The following EPS8 variants were observed in gnomAD, a reference collection of about 807,000 sequenced individuals.
The protein encoded by EPS8 is epidermal growth factor receptor kinase substrate 8.
EPS8 carries 42 observed loss-of-function variants against 103.8 expected under a neutral mutation model. The ratio of observed to expected loss-of-function variants is 0.40; its 90% CI spans 0.32 to 0.52. The LOEUF is 0.52. Ranked by LOEUF, EPS8 falls within the 20% of genes least tolerant of loss-of-function variation. The probability of loss-of-function intolerance (pLI) is 0.40; values close to 1 mark genes in which losing one functional copy is unlikely to be tolerated. For synonymous variants in EPS8, 344 were observed against 344.6 expected, an observed-to-expected ratio of 1.00 and a Z score of 0.02; for missense variants, 969 against 1,005.1, an observed-to-expected ratio of 0.96 and a Z score of 0.49.
In EPS8 at chr12:15,621,029, T is replaced by C. The variant is rs1944853716; in HGVS notation, c.*288A>G. ...CCACTATCAAAACAATTCCTGTTTA[T>C]ACCCTGGGATGGGGATAAAATAATT... On this transcript the variant is annotated 3_prime_UTR_variant, in exon 21 of 21. Coordinates refer to ENST00000281172, the MANE Select transcript of EPS8 (RefSeq NM_004447.6). 7.2e-6 allele frequency: 2 copies of C among 278,200 alleles called. No individual in the cohort carries two copies. The highest frequency in any genetic ancestry group is 1.4e-4 in the South Asian group (2 of 13,832). 17.2% of individuals were successfully genotyped at this position (278,200 alleles called of 1,614,324 possible).
Position 15,693,457 on chromosome 12 carries a change from C to T in EPS8, c.-21-10485G>A, listed in dbSNP as rs1439975170. ...CACTTTAAACACATGACTAATAAAT[C>T]CTACTATTCTTAGCCTCACTCTCAC... On this transcript the variant is annotated intron_variant, in intron 1 of 20. Coordinates refer to ENST00000281172, the MANE Select transcript of EPS8 (RefSeq NM_004447.6). The surrounding 1 kb of genome is among the most constrained non-coding windows in gnomAD (Gnocchi z 5.6). Among the ~76,000 whole-genome samples the T allele has an allele frequency of 6.6e-6, 1 of 152,124 alleles. No individual in the cohort carries two copies. The highest frequency in any genetic ancestry group is 6.6e-5 in the Admixed American group (1 of 15,258).
chr12:15,631,209 T>A (rs906785014), intron 18 of EPS8, among the ~76,000 whole-genome samples: 1 of 152,188 alleles, frequency 6.6e-6, no homozygotes, highest in African/African-American at 2.4e-5. Context: ...CATTCAATTA[T>A]CATAACAGAT....
In EPS8 at chr12:15,669,869, C is replaced by A. The variant is rs1217628173; in HGVS notation, c.205-44G>T. On this transcript the variant is annotated intron_variant, in intron 4 of 20. Transcript: ENST00000281172. ...GAAAAAGATTTATAACACATACAAA[C>A]ACATACAACCTCTTAGTATACATTT... 8 of 1,440,856 alleles carry A rather than the reference C, an allele frequency of 5.6e-6. No individual in the cohort carries two copies. The East Asian group carries it at 1.4e-4, about 25-fold the overall frequency. The allele number at this position is 1,440,856 out of a possible 1,614,324, so 89.3% of individuals were successfully genotyped here. A position where few individuals can be genotyped will look rare whatever the true frequency, so the allele number is the denominator to read the frequency against.
intron 13 of EPS8, 57 bp from the exon 14 acceptor site, chr12:15,651,063 A>C: frequency 1.0e-5 from 14 of 1,389,748 alleles, no homozygotes; most frequent in Middle Eastern, 1.8e-4. Flanking sequence ...ATCCATGCTC[A>C]CAGTTATCTT....
chr12:15,662,543 A>G lies in EPS8; in HGVS notation c.737-444T>C, dbSNP rs112444837. On this transcript the variant is annotated intron_variant, in intron 8 of 20. Coordinates refer to ENST00000281172, the MANE Select transcript of EPS8 (RefSeq NM_004447.6). ...ACTGTGACTACAATAAAGCTTTCGG[A>G]GTTCTGACAGCAGAGTGCTTCTTAA... The G allele has an allele frequency of 1.9e-5, 19 of 986,184 alleles. No individual in the cohort carries two copies. The African/African-American group carries it at 2.8e-4, about 14-fold the overall frequency. The allele number at this position is 986,184 out of a possible 1,614,324, so 61.1% of individuals were successfully genotyped here.
chr12:15,634,072 C>G (rs1289352542), intron 17 of EPS8, among the ~76,000 whole-genome samples: 1 of 152,158 alleles, frequency 6.6e-6, no homozygotes, highest in Non-Finnish European at 1.5e-5. Flanking sequence ...GCACTCTGAA[C>G]TTTTTTCTCC....
At chr12:15,629,592 A>G (rs966960886) in intron 18 of EPS8, among the ~76,000 whole-genome samples, 3 of 152,222 alleles carry the variant, frequency 2.0e-5, no homozygotes, top group Non-Finnish European at 4.4e-5. Flanking sequence ...ATTCTATTTT[A>G]TTATGGTTCT....
chr12:15,667,944 A>C (rs1385944384), intron 6 of EPS8, among the ~76,000 whole-genome samples: 2 of 152,134 alleles, frequency 1.3e-5, no homozygotes, highest in Non-Finnish European at 2.9e-5. Context: ...AAAATCCAGA[A>C]ACTTTTCACA....
Position 15,749,082 on chromosome 12 carries a change from T to A in EPS8, c.-22+40079A>T, listed in dbSNP as rs1398964134. On this transcript the variant is annotated intron_variant, in intron 1 of 20. Transcript: ENST00000281172. This position sits in a 1 kb window ranked among gnomAD's most constrained non-coding sequence, Gnocchi z 4.0. Reference sequence around the variant, plus strand: ...CATCCTAGTGTTCTTTTGGAAGAGCTAAATGTAATACTGTTGAACTATATT... The same window carrying A: ...CATCCTAGTGTTCTTTTGGAAGAGCAAAATGTAATACTGTTGAACTATATT... 6.6e-6 allele frequency among the ~76,000 whole-genome samples: 1 copy of A among 152,154 alleles called. No homozygotes were observed. The highest frequency in any genetic ancestry group is 6.5e-5 in the Admixed American group (1 of 15,270).
At chr12:15,635,824 T>C (rs867683121) in intron 17 of EPS8, among the ~76,000 whole-genome samples, 2 of 152,204 alleles carry the variant, frequency 1.3e-5, no homozygotes, top group Middle Eastern at 3.4e-3. Context: ...TTTCACACAG[T>C]ATCATATTAC....
At position 15,631,641 on chromosome 12, in the gene EPS8, T is replaced by G. The variant is rs781350454; in HGVS notation, c.1845A>C (p.Pro615=). 1 of 1,613,700 alleles carries G rather than the reference T, an allele frequency of 6.2e-7. No homozygotes were observed. The highest frequency in any genetic ancestry group is 1.3e-5 in the African/African-American group (1 of 74,904). Residue 615 remains proline (P), a synonymous_variant, in exon 18 of 21, where the codon CCA becomes CCC. Transcript: ENST00000281172. ...TIQKQRMEYG[P]RPADTPPAPS... is the part of the protein sequence containing the mutation. ...GAGCAGGGGGAGTATCAGCTGGTCT[T>G]GGGCCATACTCCATCCTTTGTTTCT...
intron 1 of EPS8, among the ~76,000 whole-genome samples, chr12:15,740,772 T>A (rs1239470354): frequency 1.3e-5 from 2 of 152,096 alleles, no homozygotes; most frequent in African/African-American, 2.4e-5. Flanking sequence ...TATCAACTAC[T>A]CTGAGCCTCA....
intron 1 of EPS8, among the ~76,000 whole-genome samples, chr12:15,689,450 G>A (rs1565501546): frequency 6.6e-6 from 1 of 152,102 alleles, no homozygotes; most frequent in Non-Finnish European, 1.5e-5. Flanking sequence ...CCAGCTGGGT[G>A]GGAAGATGGA....
At chr12:15,666,606 C>A (rs1591835680) in intron 6 of EPS8, 84 bp from the exon 7 acceptor site, 1 of 954,474 alleles carries the variant, frequency 1.0e-6, no homozygotes, top group Non-Finnish European at 1.7e-6. Flanking sequence ...AGGGATTGTT[C>A]CTTGTCTGAA....
At chr12:15,657,130 T>A (rs1945521145) in intron 12 of EPS8, among the ~76,000 whole-genome samples, 1 of 152,208 alleles carries the variant, frequency 6.6e-6, no homozygotes, top group African/African-American at 2.4e-5. Context: ...CCTGCTGATA[T>A]CATCTCTTTC....
At chr12:15,683,226 A>G (rs1946039686) in intron 1 of EPS8, 1 of 256,652 alleles carries the variant, frequency 3.9e-6, no homozygotes, top group Non-Finnish European at 7.2e-6. Flanking sequence ...AATCTAAAAT[A>G]TAGTTCTGAG....
chr12:15,627,988 T>C (rs1033779039), intron 18 of EPS8, among the ~76,000 whole-genome samples: 1 of 148,318 alleles, frequency 6.7e-6, no homozygotes, highest in Non-Finnish European at 1.5e-5. Flanking sequence ...CCCTGGGAAA[T>C]AAGGGAAAGT....
chr12:15,628,011 T>C (rs955080152), intron 18 of EPS8, among the ~76,000 whole-genome samples: 16 of 150,506 alleles, frequency 1.1e-4, no homozygotes, highest in Admixed American at 7.4e-4. Context: ...GAATAGTTAG[T>C]GTTATTTCAG....
chr12:15,652,063 G>T (rs754123916), intron 13 of EPS8, among the ~76,000 whole-genome samples: 3 of 151,988 alleles, frequency 2.0e-5, no homozygotes, highest in African/African-American at 4.8e-5. Context: ...ATGCCACCGA[G>T]GCTTATCATA....
Sources: allele counts gnomAD v4.1 joint callset (sites outside exome capture counted in the v4.1 genomes callset), GRCh38; gene constraint gnomAD v4.1.1; non-coding constraint Gnocchi (gnomAD v3.1); transcripts MANE v1.5; gene names NCBI Gene and HGNC (gene_info 2026-07-23, HGNC 2026-07-21).